Variants in CFAP61 observed in about 807,000 individuals in gnomAD.
CFAP61 encodes the protein cilia- and flagella-associated protein 61.
CFAP61 carries 107 observed loss-of-function variants against 135.6 expected under a neutral mutation model. That is an observed-to-expected ratio of 0.79 (90% CI 0.67 to 0.93). CFAP61 has a LOEUF of 0.93. Ranked by LOEUF, CFAP61 falls within the 40% of genes least tolerant of loss-of-function variation. CFAP61 has a pLI of 0.00. For synonymous variants in CFAP61, 575 were observed against 578.5 expected (o/e 0.99, Z 0.09); for missense variants, 1,507 against 1,556.2 (o/e 0.97, Z 0.53).
chr20:20,294,937 AAAT>A (rs11474551), intron 24 of CFAP61, among the ~76,000 whole-genome samples: 17,307 of 142,710 alleles, frequency 0.12, 1,217 homozygotes, highest in Middle Eastern at 0.23. Flanking sequence ...TCCGTCTCAA[AAAT>A]AATAATAATA....
At chr20:20,318,604 A>C (rs1286190305) in intron 25 of CFAP61, among the ~76,000 whole-genome samples, 1 of 152,182 alleles carries the variant, frequency 6.6e-6, no homozygotes, top group Non-Finnish European at 1.5e-5. Context: ...GGTGGAAATC[A>C]TGGGGAGTCC....
intron 17 of CFAP61, among the ~76,000 whole-genome samples, chr20:20,209,625 G>A (rs1047668733): frequency 6.6e-6 from 1 of 152,026 alleles, no homozygotes; most frequent in African/African-American, 2.4e-5. Flanking sequence ...TCTCTGCTTT[G>A]AGCCTTTATT....
chr20:20,247,908 C>T (rs1393983017), intron 19 of CFAP61, among the ~76,000 whole-genome samples: 1 of 152,212 alleles, frequency 6.6e-6, no homozygotes, highest in African/African-American at 2.4e-5. Flanking sequence ...TCCAGTCCCT[C>T]ATACTCTGCT....
At chr20:20,343,882 C>T (rs1789869617) in intron 26 of CFAP61, among the ~76,000 whole-genome samples, 1 of 152,212 alleles carries the variant, frequency 6.6e-6, no homozygotes, top group African/African-American at 2.4e-5. Flanking sequence ...TACCCTCAAA[C>T]TTCTACCTGT....
chr20:20,168,218 A>G (rs1257799233), intron 12 of CFAP61, among the ~76,000 whole-genome samples: 1 of 151,884 alleles, frequency 6.6e-6, no homozygotes, highest in African/African-American at 2.4e-5. Flanking sequence ...ACATGCCACC[A>G]TGCCCAGCTA....
chr20:20,213,386 C>A (rs897454263), intron 17 of CFAP61, among the ~76,000 whole-genome samples: 3 of 152,058 alleles, frequency 2.0e-5, no homozygotes, highest in African/African-American at 7.2e-5. Context: ...TTGAAACCAC[C>A]GTTGCTATTT....
At chr20:20,338,380 C>T (rs1029854074) in intron 25 of CFAP61, among the ~76,000 whole-genome samples, 1 of 152,226 alleles carries the variant, frequency 6.6e-6, no homozygotes, top group Non-Finnish European at 1.5e-5. Flanking sequence ...TGAGTGTCAG[C>T]TGGGGAGCCT....
intron 2 of CFAP61, among the ~76,000 whole-genome samples, chr20:20,062,260 A>G (rs143821961): frequency 4.1e-4 from 62 of 152,258 alleles, no homozygotes; most frequent in African/African-American, 1.4e-3. Flanking sequence ...TCTTGCCCCA[A>G]CAGATACCCC....
At chr20:20,180,723 C>A (rs2055002538) in intron 13 of CFAP61, among the ~76,000 whole-genome samples, 1 of 152,110 alleles carries the variant, frequency 6.6e-6, no homozygotes. Flanking sequence ...CATTGCAGCA[C>A]TATTCACAAT....
chr20:20,251,555 A>T, intron 19 of CFAP61, 40 bp from the exon 20 acceptor site: 1 of 1,603,162 alleles, frequency 6.2e-7, no homozygotes, highest in Non-Finnish European at 8.5e-7. Flanking sequence ...GCCCGCTGTC[A>T]GCTGCTCAGA....
chr20:20,351,437 C>G (rs574408934), intron 26 of CFAP61, among the ~76,000 whole-genome samples: 1 of 151,954 alleles, frequency 6.6e-6, no homozygotes, highest in Admixed American at 6.6e-5. Context: ...AAAAAATTAG[C>G]CAGATGTGGT....
chr20:20,290,238 G>A (rs1569249708), intron 23 of CFAP61, 62 bp from the exon 24 acceptor site: 4 of 1,024,940 alleles, frequency 3.9e-6, no homozygotes, highest in Admixed American at 3.4e-5. Context: ...ATGAAAATAT[G>A]AGCTCTGTTA....
chr20:20,056,077 T>C, intron 1 of CFAP61: 1 of 1,218,468 alleles, frequency 8.2e-7, no homozygotes, highest in Non-Finnish European at 1.2e-6. Context: ...CAAGTTGCTT[T>C]ATTATGGAAC....
intron 21 of CFAP61, among the ~76,000 whole-genome samples, chr20:20,273,210 C>T (rs556166991): frequency 3.9e-5 from 6 of 152,108 alleles, no homozygotes; most frequent in East Asian, 3.9e-4. Context: ...ACATTAAAGA[C>T]GTAATTTCTT....
chr20:20,358,386 C>A (rs914485560), intron 26 of CFAP61, among the ~76,000 whole-genome samples: 4 of 152,176 alleles, frequency 2.6e-5, no homozygotes, highest in Non-Finnish European at 4.4e-5. Context: ...CTGAAATAAA[C>A]TTTAAAAGTG....
At position 20,251,693 on chromosome 20, in the gene CFAP61, A is replaced by G. The variant is rs2050926372; in HGVS notation, c.2258A>G (p.His753Arg). 1.2e-6 allele frequency: 2 copies of G among 1,614,216 alleles called. No individual in the cohort carries two copies. Among genetic ancestry groups the G allele is most frequent in the Non-Finnish European group, 1.7e-6 (2 of 1,180,034 alleles). The change falls in exon 20 of 27, where the codon CAC (histidine) becomes CGC (arginine). Residue 753 changes from histidine (H) to arginine (R), a missense_variant. His to Arg is a conservative substitution (Grantham distance 29, BLOSUM62 0). Coordinates refer to ENST00000245957, the MANE Select transcript of CFAP61 (RefSeq NM_015585.4). ...RMTGIDRAAK[H>R]VVLSTDEIVP... ...ACCGGCATAGACCGAGCAGCCAAGC[A>G]CGTTGTGCTTTCCACGGACGAGATC...
chr20:20,089,468 G>T (rs140690027), intron 6 of CFAP61, among the ~76,000 whole-genome samples: 1 of 151,710 alleles, frequency 6.6e-6, no homozygotes, highest in Non-Finnish European at 1.5e-5. Context: ...GATAAAATGG[G>T]ATGATGAAGA....
chr20:20,319,245 G>A (rs1039186229), intron 25 of CFAP61, among the ~76,000 whole-genome samples: 6 of 152,192 alleles, frequency 3.9e-5, no homozygotes, highest in African/African-American at 1.4e-4. Context: ...CACTTAGAAA[G>A]GAACTAGAAT....
intron 13 of CFAP61, among the ~76,000 whole-genome samples, chr20:20,176,323 T>C (rs778344427): frequency 2.0e-5 from 3 of 152,154 alleles, no homozygotes; most frequent in Non-Finnish European, 2.9e-5. Flanking sequence ...GAACCAGAGA[T>C]ACCATTTGAC....
Sources: allele counts gnomAD v4.1 joint callset (sites outside exome capture counted in the v4.1 genomes callset), GRCh38; gene constraint gnomAD v4.1.1; transcripts MANE v1.5; gene names NCBI Gene and HGNC (gene_info 2026-07-23, HGNC 2026-07-21).